The following SCAMP4 variants were observed in gnomAD, a reference collection of about 807,000 sequenced individuals.
The protein encoded by SCAMP4 is secretory carrier membrane protein 4, also known as secretory carrier-associated membrane protein 4.
A neutral mutation model predicts 32.1 loss-of-function variants in SCAMP4; 19 were observed. The observed-to-expected ratio is 0.59, with a 90% CI of 0.41 to 0.87. The LOEUF is 0.87. Ranked by LOEUF, SCAMP4 falls within the 40% of genes least tolerant of loss-of-function variation. SCAMP4 has a pLI of 0.00. For missense variants in SCAMP4, 302 were observed against 309.0 expected (o/e 0.98, Z 0.17); for synonymous variants, 152 against 132.7 (o/e 1.15, Z -1.00).
rs1394591014 is a variant in SCAMP4 at position 1,924,368 on chromosome 19, C to T, written c.*84C>T. 2.7e-5 allele frequency: 38 copies of T among 1,382,750 alleles called. No individual in the cohort carries two copies. The highest frequency in any genetic ancestry group is 3.7e-5 in the Non-Finnish European group (38 of 1,020,802). The allele number at this position is 1,382,750 out of a possible 1,614,324, so 85.7% of individuals were successfully genotyped here. On this transcript the variant is annotated 3_prime_UTR_variant, in exon 7 of 7. Transcript: ENST00000316097. ...CCCTGGTCCCGAGGGCTGGGAGTAC[C>T]TGGGGCCCCATCCCCCCAGCTGGGA...
chr19:1,921,414 A>G (rs2013916161), intron 5 of SCAMP4: 6 of 985,402 alleles, frequency 6.1e-6, no homozygotes, highest in South Asian at 9.4e-5. Context: ...GGGTGGCCAC[A>G]TGGCGGCAGC....
rs886867667 is a variant in SCAMP4, at chr19:1,908,380, T to A, written c.-42+2941T>A. ...AGTTCCACTGGCTGCTGGTCCCCCA[T>A]CTGTGGGGCGCCCCGGCGGCTGAGG... On this transcript the variant is annotated intron_variant, in intron 1 of 6. Coordinates refer to ENST00000316097, the MANE Select transcript of SCAMP4 (RefSeq NM_079834.4). The surrounding 1 kb of genome is among the most constrained non-coding windows in gnomAD (Gnocchi z 4.2). 9.8e-6 allele frequency: 4 copies of A among 406,382 alleles called. No individual in the cohort carries two copies. The highest frequency in any genetic ancestry group is 2.0e-5 in the Non-Finnish European group (4 of 196,130). The allele number at this position is 406,382 out of a possible 1,614,324, so 25.2% of individuals were successfully genotyped here.
Position 1,912,471 on chromosome 19 carries a change from G to A in SCAMP4, c.-41-2508G>A, listed in dbSNP as rs774600353. ...CCGCGGCCTGGGGCAACCCTTCCTGGTGCCCGTGCCCGCCCGGCCGCCTCT... is the reference window on the plus strand; with the variant it reads ...CCGCGGCCTGGGGCAACCCTTCCTGATGCCCGTGCCCGCCCGGCCGCCTCT... On this transcript the variant is annotated intron_variant, in intron 1 of 6. Transcript: ENST00000316097. The A allele has an allele frequency of 3.7e-5, 55 of 1,501,888 alleles. No homozygotes were observed. In the South Asian group the frequency reaches 4.7e-4, roughly 13 times the overall value. The allele number at this position is 1,501,888 out of a possible 1,614,324, so 93.0% of individuals were successfully genotyped here. A position where few individuals can be genotyped will look rare whatever the true frequency, so the allele number is the denominator to read the frequency against.
In SCAMP4 at chr19:1,918,893, G is replaced by T. The variant is rs751452364; in HGVS notation, c.298G>T (p.Asp100Tyr). 6.2e-7 allele frequency: 1 copy of T among 1,606,266 alleles called. No homozygotes were observed. The highest frequency in any genetic ancestry group is 1.1e-5 in the South Asian group (1 of 89,476). Reference sequence around the variant, plus strand: ...GTGTTTTCTGTCCCTCCCCAGAGCCGACAGCTCCTTTAATTTCATGGCGTT... The same window carrying T: ...GTGTTTTCTGTCCCTCCCCAGAGCCTACAGCTCCTTTAATTTCATGGCGTT... ...FRPVYKAFRADSSFNFMAFFF... is the reference protein window; with the variant it reads ...FRPVYKAFRAYSSFNFMAFFF... The change falls in exon 5 of 7, where the codon GAC (aspartate) becomes TAC (tyrosine). Residue 100 changes from aspartate to tyrosine, a missense_variant. Physicochemically the swap from Asp to Tyr is radical, Grantham distance 160. Coordinates refer to ENST00000316097, the MANE Select transcript of SCAMP4 (RefSeq NM_079834.4).
At chr19:1,916,260 G>A (rs1364184506) in intron 2 of SCAMP4, among the ~76,000 whole-genome samples, 1 of 151,798 alleles carries the variant, frequency 6.6e-6, no homozygotes, top group Non-Finnish European at 1.5e-5. Context: ...AAGACATGGA[G>A]ATACAGGAGG....
At chr19:1,921,478 C>T (rs890075056) in intron 5 of SCAMP4, 36 of 985,398 alleles carry the variant, frequency 3.7e-5, no homozygotes, top group East Asian at 1.1e-4. Flanking sequence ...CGCCAGGAAT[C>T]GGACATCAGC....
At chr19:1,913,288 G>A (rs2013598815) in intron 1 of SCAMP4, 2 of 1,286,050 alleles carry the variant, frequency 1.6e-6, no homozygotes, top group Non-Finnish European at 1.0e-6. Context: ...GGGGAGCACG[G>A]GTGCTGCCTT....
At chr19:1,914,361 G>A (rs547489436) in intron 1 of SCAMP4, among the ~76,000 whole-genome samples, 57 of 152,108 alleles carry the variant, frequency 3.7e-4, no homozygotes, top group Non-Finnish European at 6.0e-4. Flanking sequence ...TCCTGGCCCC[G>A]TGCCCGCCCC....
At position 1,924,514 on chromosome 19, in the gene SCAMP4, C is replaced by A; in HGVS notation, c.*230C>A. On this transcript the variant is annotated 3_prime_UTR_variant, in exon 7 of 7. Coordinates refer to ENST00000316097, the MANE Select transcript of SCAMP4 (RefSeq NM_079834.4). ...CTCCCCAGCAGCCCTTGGCCTCTGC[C>A]GTCCACAGGACGCCCTCTTGCTCCC... 1 of 564,860 alleles carries A rather than the reference C, an allele frequency of 1.8e-6. No individual in the cohort carries two copies. The highest frequency in any genetic ancestry group is 2.1e-5 in the South Asian group (1 of 48,126). The allele number at this position is 564,860 out of a possible 1,614,324, so 35.0% of individuals were successfully genotyped here.
intron 1 of SCAMP4, chr19:1,914,662 T>C: frequency 4.7e-6 from 2 of 427,250 alleles, no homozygotes; most frequent in South Asian, 2.3e-5. Context: ...CCACCCCTTG[T>C]GGGCTGAAGC....
At position 1,923,387 on chromosome 19, in the gene SCAMP4, G is replaced by A. The variant is rs1309898412; in HGVS notation, c.513+200G>A. 4.6e-5 allele frequency among the ~76,000 whole-genome samples: 7 copies of A among 152,276 alleles called. No individual in the cohort carries two copies. The East Asian group carries it at 5.8e-4, about 13-fold the overall frequency. ...GGACACTCCCAGGGACCCAGCGCCT[G>A]GGTTCCTATGGGGCCAGTCCTGTGG... On this transcript the variant is annotated intron_variant, in intron 6 of 6. Coordinates refer to ENST00000316097, the MANE Select transcript of SCAMP4 (RefSeq NM_079834.4).
chr19:1,917,751 A>AC lies in SCAMP4; in HGVS notation c.67dup (p.Gln23ProfsTer82), dbSNP rs2013780178. 1 of 1,613,898 alleles carries AC rather than the reference A, an allele frequency of 6.2e-7. No homozygotes were observed. The highest frequency in any genetic ancestry group is 8.5e-7 in the Non-Finnish European group (1 of 1,179,888). ...TTCATCCCTGTGAAGCCCTGCTTCTACCAGAACTTCTCCGACGAGATCCCA... is the reference window on the plus strand; with the variant it reads ...TTCATCCCTGTGAAGCCCTGCTTCTACCCAGAACTTCTCCGACGAGATCCCA... On this transcript the variant is annotated frameshift_variant, in exon 3 of 7. Coordinates refer to ENST00000316097, the MANE Select transcript of SCAMP4 (RefSeq NM_079834.4). LOFTEE classifies it high-confidence loss of function.
At chr19:1,923,756 C>T (rs868025854) in intron 6 of SCAMP4, among the ~76,000 whole-genome samples, 3,173 of 121,492 alleles carry the variant, frequency 0.026, 225 homozygotes, top group Middle Eastern at 0.11. Flanking sequence ...GTAGCTGGGA[C>T]TACAGGCGCC....
chr19:1,924,029 G>C, intron 6 of SCAMP4, 79 bp from the exon 7 acceptor site: 1 of 1,192,026 alleles, frequency 8.4e-7, no homozygotes, highest in Non-Finnish European at 1.2e-6. Flanking sequence ...CGAAGTGCTG[G>C]GATGACAGGC....
At chr19:1,920,747 G>A (rs1223536532) in intron 5 of SCAMP4, 7 of 985,446 alleles carry the variant, frequency 7.1e-6, no homozygotes, top group African/African-American at 1.7e-5. Flanking sequence ...CTGGGCTCCA[G>A]TGCCTCCTGT....
In SCAMP4 at chr19:1,918,842, G is replaced by A. The variant is rs749693560; in HGVS notation, c.294-47G>A. 17 of 1,567,568 alleles carry A rather than the reference G, an allele frequency of 1.1e-5. No homozygotes were observed. The South Asian group carries it at 1.6e-4, about 15-fold the overall frequency. On this transcript the variant is annotated intron_variant, in intron 4 of 6. Coordinates refer to ENST00000316097, the MANE Select transcript of SCAMP4 (RefSeq NM_079834.4). ...CCCGTTCCTCTCTAGGCGCGTCTGG[G>A]AGAAGCCAGGGCTGTGGTAACCGTC...
chr19:1,912,663 C>G, intron 1 of SCAMP4: 1 of 1,433,674 alleles, frequency 7.0e-7, no homozygotes, highest in Non-Finnish European at 9.1e-7. Flanking sequence ...GGCAGCAGCG[C>G]GGGGCTTGCG....
intron 5 of SCAMP4, chr19:1,921,133 G>A (rs1274782279): frequency 4.4e-5 from 43 of 985,290 alleles, no homozygotes; most frequent in Admixed American, 6.1e-5. Flanking sequence ...GAGGCCCCAC[G>A]CTCAGTGCGC....
chr19:1,922,225 A>G (rs1228341752), intron 5 of SCAMP4: 7 of 985,308 alleles, frequency 7.1e-6, no homozygotes, highest in Non-Finnish European at 7.2e-6. Context: ...TGGCCTTCCC[A>G]GTGTCCCACT....
Sources: gnomAD v4.1 joint callset for allele counts (sites outside exome capture counted in the v4.1 genomes callset) on GRCh38, gnomAD v4.1.1 for gene constraint, Gnocchi (gnomAD v3.1) non-coding constraint, MANE v1.5 for transcripts, NCBI Gene and HGNC (gene_info 2026-07-23, HGNC 2026-07-21) for gene names.